DNAJC5: variants seen among roughly 807,000 people sequenced by gnomAD.
DNAJC5 encodes DnaJ heat shock protein family (Hsp40) member C5, also known as dnaJ homolog subfamily C member 5.
A neutral mutation model predicts 23.2 loss-of-function variants in DNAJC5; 1 was observed. That is an observed-to-expected ratio of 0.04 (90% confidence interval 0.02 to 0.20). The LOEUF (loss-of-function observed/expected upper bound fraction) is 0.20. DNAJC5 is among the 10% of genes least tolerant of loss of function. The pLI, the probability that DNAJC5 is intolerant of heterozygous loss-of-function variation, is 1.00. For missense variants in DNAJC5, 180 were observed against 267.0 expected, an observed-to-expected ratio of 0.67 and a Z score of 2.27; for synonymous variants, 136 against 120.0, an observed-to-expected ratio of 1.13 and a Z score of -0.87.
intron 1 of DNAJC5, chr20:63,919,517 C>T (rs775788403): frequency 6.4e-6 from 2 of 314,234 alleles, no homozygotes; most frequent in South Asian, 4.4e-5. Flanking sequence ...TGCACATGTG[C>T]CCAGGGCCCG....
chr20:63,899,823 C>T (rs572785913), intron 1 of DNAJC5, among the ~76,000 whole-genome samples: 206 of 151,034 alleles, frequency 1.4e-3, no homozygotes, highest in South Asian at 7.3e-3. Context: ...CCTTGTGATC[C>T]GCCCATCTTG....
intron 1 of DNAJC5, among the ~76,000 whole-genome samples, chr20:63,918,048 A>G (rs1004212579): frequency 2.0e-5 from 3 of 152,178 alleles, no homozygotes; most frequent in Non-Finnish European, 2.9e-5. Flanking sequence ...CTGCTCAGGA[A>G]TGTTCCAAGC....
chr20:63,930,355 G>T (rs951953415), intron 3 of DNAJC5, among the ~76,000 whole-genome samples: 2 of 147,892 alleles, frequency 1.4e-5, no homozygotes, highest in Non-Finnish European at 1.5e-5. Context: ...AGGCTGCTTT[G>T]TTTTTTTTTT....
intron 1 of DNAJC5, among the ~76,000 whole-genome samples, chr20:63,896,136 T>A (rs975775605): frequency 6.6e-6 from 1 of 152,222 alleles, no homozygotes; most frequent in African/African-American, 2.4e-5. Flanking sequence ...TTTGCCTGTT[T>A]AGAAAAACCT....
intron 1 of DNAJC5, among the ~76,000 whole-genome samples, chr20:63,906,589 C>G (rs1009285888): frequency 2.6e-5 from 4 of 151,984 alleles, no homozygotes; most frequent in Non-Finnish European, 5.9e-5. Flanking sequence ...TCGAGACCAT[C>G]CTGGCTAACA....
chr20:63,925,429 A>G (rs146413976), intron 1 of DNAJC5, among the ~76,000 whole-genome samples: 15 of 152,252 alleles, frequency 9.9e-5, no homozygotes, highest in African/African-American at 2.9e-4. Context: ...ATTGCAGTGA[A>G]CTGAGGTCAC....
Position 63,928,528 on chromosome 20 carries a change from C to A in DNAJC5, c.107+76C>A. On this transcript the variant is annotated intron_variant, in intron 2 of 4. Coordinates refer to ENST00000360864, the MANE Select transcript of DNAJC5 (RefSeq NM_025219.3). This position sits in a 1 kb window ranked among gnomAD's most constrained non-coding sequence, Gnocchi z 4.6. ...CCGTGTGGTTTAGTCTGCATTTTACCAAGAACCATTGCACATACTTTATCC... is the reference window on the plus strand; with the variant it reads ...CCGTGTGGTTTAGTCTGCATTTTACAAAGAACCATTGCACATACTTTATCC... 2.4e-6 allele frequency: 3 copies of A among 1,245,150 alleles called. No homozygotes were observed. The highest frequency in any genetic ancestry group is 3.5e-6 in the Non-Finnish European group (3 of 848,902). 77.1% of individuals were successfully genotyped at this position (1,245,150 alleles called of 1,614,324 possible). A position where few individuals can be genotyped will look rare whatever the true frequency, so the allele number is the denominator to read the frequency against.
Position 63,931,738 on chromosome 20 carries a change from C to T in DNAJC5, c.*170C>T, listed in dbSNP as rs535553583. 10 of 688,292 alleles carry T rather than the reference C, an allele frequency of 1.5e-5. No homozygotes were observed. Among genetic ancestry groups the T allele is most frequent in the Middle Eastern group, 6.6e-4 (2 of 3,008 alleles). The allele number at this position is 688,292 out of a possible 1,614,324, so 42.6% of individuals were successfully genotyped here. A position where few individuals can be genotyped will look rare whatever the true frequency, so the allele number is the denominator to read the frequency against. ...GCGTCGACCCTTGACCCACGAAGTG[C>T]GTAGCATGCAGTATTTAAAGCAGTG... is the stretch of plus-strand genomic sequence containing the variant. On this transcript the variant is annotated 3_prime_UTR_variant, in exon 5 of 5. Coordinates refer to ENST00000360864, the MANE Select transcript of DNAJC5 (RefSeq NM_025219.3). This position sits in a 1 kb window ranked among gnomAD's most constrained non-coding sequence, Gnocchi z 9.6.
chr20:63,910,070 C>T (rs930208727), intron 1 of DNAJC5, among the ~76,000 whole-genome samples: 4 of 152,304 alleles, frequency 2.6e-5, no homozygotes, highest in East Asian at 3.9e-4. Flanking sequence ...AGCAGTGCTG[C>T]GGTAACGGAA....
intron 1 of DNAJC5, among the ~76,000 whole-genome samples, chr20:63,910,596 T>G (rs2053476344): frequency 6.6e-6 from 1 of 151,442 alleles, no homozygotes; most frequent in Non-Finnish European, 1.5e-5. Flanking sequence ...CCGAGGTACC[T>G]GGGTGCCCGA....
intron 1 of DNAJC5, among the ~76,000 whole-genome samples, chr20:63,895,750 G>T (rs970546746): frequency 1.3e-5 from 2 of 152,202 alleles, no homozygotes; most frequent in Non-Finnish European, 2.9e-5. Flanking sequence ...TCCCTGGGTC[G>T]TTGTGTTTAT....
intron 1 of DNAJC5, among the ~76,000 whole-genome samples, chr20:63,911,369 G>A (rs2053481824): frequency 6.6e-6 from 1 of 152,172 alleles, no homozygotes; most frequent in Non-Finnish European, 1.5e-5. Flanking sequence ...TGTGACTCAC[G>A]AGGGCAGGCG....
intron 1 of DNAJC5, among the ~76,000 whole-genome samples, chr20:63,923,664 G>T (rs2053589198): frequency 6.6e-6 from 1 of 152,160 alleles, no homozygotes; most frequent in African/African-American, 2.4e-5. Flanking sequence ...GGTCAAGGTT[G>T]CAGTGAGCTG....
chr20:63,929,546 G>C lies in DNAJC5; in HGVS notation c.321+21G>C. On this transcript the variant is annotated intron_variant, in intron 3 of 4. Transcript: ENST00000360864. This position sits in a 1 kb window ranked among gnomAD's most constrained non-coding sequence, Gnocchi z 8.6. ...CCAAGGTGAGGGCGAGCTGCCTGCCGTGCGGGCACCCGAGTCACTCCTGCC... is the reference window on the plus strand; with the variant it reads ...CCAAGGTGAGGGCGAGCTGCCTGCCCTGCGGGCACCCGAGTCACTCCTGCC... The C allele has an allele frequency of 6.2e-7, 1 of 1,610,786 alleles. No homozygotes were observed. The highest frequency in any genetic ancestry group is 1.3e-5 in the African/African-American group (1 of 74,886).
At chr20:63,917,649 G>A (rs1437573789) in intron 1 of DNAJC5, among the ~76,000 whole-genome samples, 3 of 152,032 alleles carry the variant, frequency 2.0e-5, no homozygotes, top group Admixed American at 6.6e-5. Flanking sequence ...TCTGCCTCCC[G>A]GATTCAAGCG....
At chr20:63,921,979 A>G (rs1410796386) in intron 1 of DNAJC5, among the ~76,000 whole-genome samples, 1 of 152,010 alleles carries the variant, frequency 6.6e-6, no homozygotes, top group Non-Finnish European at 1.5e-5. Flanking sequence ...AGGTTTCACC[A>G]CGTTGGCCAG....
rs1489030166 is a variant in DNAJC5, at chr20:63,920,503, A to G, written c.-11-7832A>G. On this transcript the variant is annotated intron_variant, in intron 1 of 4. Transcript: ENST00000360864. The surrounding 1 kb of genome is among the most constrained non-coding windows in gnomAD (Gnocchi z 4.6). ...GGTCATAGAGTGGCTGCCCTGGCGT[A>G]GGGAGGGAGGACACGGGTCCCCGCC... 6.6e-6 allele frequency among the ~76,000 whole-genome samples: 1 copy of G among 152,170 alleles called. No individual in the cohort carries two copies. The highest frequency in any genetic ancestry group is 1.5e-5 in the Non-Finnish European group (1 of 68,010).
chr20:63,903,779 G>A (rs995496715), intron 1 of DNAJC5, among the ~76,000 whole-genome samples: 2 of 152,050 alleles, frequency 1.3e-5, no homozygotes, highest in South Asian at 2.1e-4. Flanking sequence ...GCGAAACCAC[G>A]TCTCTACTAA....
rs924068466 is a variant in DNAJC5 at position 63,931,845 on chromosome 20, G to A, written c.*277G>A. Reference sequence around the variant, plus strand: ...CATGTCTGTGTTGTGGACATTCCGCGGCATGACCGCGTGAACTGCACGGTG... The same window carrying A: ...CATGTCTGTGTTGTGGACATTCCGCAGCATGACCGCGTGAACTGCACGGTG... On this transcript the variant is annotated 3_prime_UTR_variant, in exon 5 of 5. Transcript: ENST00000360864. This position sits in a 1 kb window ranked among gnomAD's most constrained non-coding sequence, Gnocchi z 9.6. 1 of 488,486 alleles carries A rather than the reference G, an allele frequency of 2.0e-6. No individual in the cohort carries two copies. Among genetic ancestry groups the A allele is most frequent in the South Asian group, 2.0e-5 (1 of 49,824 alleles). 30.3% of individuals were successfully genotyped at this position (488,486 alleles called of 1,614,324 possible).
Sources: allele counts gnomAD v4.1 joint callset (sites outside exome capture counted in the v4.1 genomes callset), GRCh38; gene constraint gnomAD v4.1.1; non-coding constraint Gnocchi (gnomAD v3.1); transcripts MANE v1.5; gene names NCBI Gene and HGNC (gene_info 2026-07-23, HGNC 2026-07-21).